Variants in OCA2 observed in about 807,000 individuals in gnomAD.
OCA2 encodes OCA2 melanosomal transmembrane protein.
A neutral mutation model predicts 100.2 loss-of-function variants in OCA2; 77 were observed. That is an observed-to-expected ratio of 0.77 (90% CI 0.64 to 0.93). The LOEUF (loss-of-function observed/expected upper bound fraction) is 0.93. OCA2 is among the 40% of genes least tolerant of loss of function. The pLI is 0.00. For synonymous variants in OCA2, 432 were observed against 439.2 expected (o/e 0.98, Z 0.21); for missense variants, 1,062 against 1,089.1 (o/e 0.98, Z 0.35).
At chr15:27,726,702 T>A in the OCA2 span, among the ~76,000 whole-genome samples, 1 of 152,224 alleles carries the variant, frequency 6.6e-6, no homozygotes, top group Non-Finnish European at 1.5e-5. Flanking sequence ...ACAGGGCATA[T>A]GTAACAAACC....
the OCA2 span, among the ~76,000 whole-genome samples, chr15:27,722,364 T>A: frequency 6.6e-6 from 1 of 152,208 alleles, no homozygotes; most frequent in Non-Finnish European, 1.5e-5. Context: ...CATGACTGAG[T>A]GGAGGTTACC....
chr15:28,090,409 T>C (rs1344946423), intron 1 of OCA2, among the ~76,000 whole-genome samples: 1 of 152,178 alleles, frequency 6.6e-6, no homozygotes, highest in Non-Finnish European at 1.5e-5. Context: ...TCTTACAAAG[T>C]GCCTACAGAA....
chr15:27,895,967 A>T, intron 19 of OCA2: 1 of 732,296 alleles, frequency 1.4e-6, no homozygotes, highest in Non-Finnish European at 2.4e-6. Flanking sequence ...ATATGGTTTG[A>T]AGGTTGGCCT....
intron 21 of OCA2, among the ~76,000 whole-genome samples, chr15:27,870,810 A>AAGAAAGAAAGAAAGAAAGAAAGAAAG (rs372518302): frequency 5.7e-5 from 5 of 88,138 alleles, no homozygotes; most frequent in African/African-American, 1.1e-4. Context: ...GAAAGAAAGA[A>AAGAAAGAAAGAAAGAAAGAAAGAAAG]AGAGAGAGAG....
chr15:27,986,451 G>A, intron 12 of OCA2, 136 bp downstream of exon 12: 1 of 688,034 alleles, frequency 1.5e-6, no homozygotes. Flanking sequence ...ACCCTGCCCT[G>A]CAGAAGCAAC....
chr15:27,725,591 CAAAA>C, the OCA2 span, among the ~76,000 whole-genome samples: 1 of 151,998 alleles, frequency 6.6e-6, no homozygotes, highest in Non-Finnish European at 1.5e-5. Flanking sequence ...ACAAAACAAA[CAAAA>C]AAACCTACGT....
chr15:27,942,518 G>A (rs961118157), intron 18 of OCA2, among the ~76,000 whole-genome samples: 6 of 152,068 alleles, frequency 3.9e-5, no homozygotes, highest in African/African-American at 1.4e-4. Context: ...GGGGGAAGCA[G>A]TGTGTGAGTG....
chr15:27,956,676 T>C (rs1163652394), intron 16 of OCA2, among the ~76,000 whole-genome samples: 1 of 152,196 alleles, frequency 6.6e-6, no homozygotes, highest in Non-Finnish European at 1.5e-5. Context: ...ACTCAGGGCC[T>C]CCCTGTGGCC....
chr15:27,819,924 T>C (rs1400940551), intron 23 of OCA2, among the ~76,000 whole-genome samples: 3 of 152,130 alleles, frequency 2.0e-5, no homozygotes, highest in Non-Finnish European at 2.9e-5. Flanking sequence ...GTATATAAGA[T>C]GAGCGTGGAA....
chr15:27,820,085 T>C (rs1244353960), intron 23 of OCA2, among the ~76,000 whole-genome samples: 2 of 151,258 alleles, frequency 1.3e-5, no homozygotes, highest in African/African-American at 4.9e-5. Flanking sequence ...AAAGCAATAT[T>C]GGATTATAAC....
At chr15:27,856,236 C>G (rs1329154801) in intron 21 of OCA2, among the ~76,000 whole-genome samples, 6 of 152,200 alleles carry the variant, frequency 3.9e-5, no homozygotes, top group Non-Finnish European at 7.3e-5. Context: ...TTGATTATCT[C>G]TGTAAAGGCC....
At chr15:27,992,823 AGTAAAGAGCAAAGAGCCGGCCT>A (rs2041599224) in intron 9 of OCA2, among the ~76,000 whole-genome samples, 2 of 152,154 alleles carry the variant, frequency 1.3e-5, no homozygotes, top group Non-Finnish European at 2.9e-5. Flanking sequence ...GGAGACTTCC[AGTAAAGAGCAAAGAGCCGGCCT>A]GGCACAGTGG....
At chr15:27,831,785 A>C (rs1378743099) in intron 23 of OCA2, among the ~76,000 whole-genome samples, 1 of 152,162 alleles carries the variant, frequency 6.6e-6, no homozygotes, top group Non-Finnish European at 1.5e-5. Flanking sequence ...GCCCAGCTAG[A>C]CACTGCCCAT....
At chr15:28,083,367 A>G (rs2044712596) in intron 1 of OCA2, among the ~76,000 whole-genome samples, 1 of 152,214 alleles carries the variant, frequency 6.6e-6, no homozygotes, top group South Asian at 2.1e-4. Flanking sequence ...TATCCTTCTC[A>G]CCATTGTTAT....
At chr15:27,814,675 C>T (rs1218807522) in intron 23 of OCA2, among the ~76,000 whole-genome samples, 2 of 152,098 alleles carry the variant, frequency 1.3e-5, no homozygotes, top group Non-Finnish European at 2.9e-5. Flanking sequence ...GTCAGGAGCT[C>T]GAGACCAGCC....
At chr15:27,898,044 C>T (rs1160300449) in intron 19 of OCA2, among the ~76,000 whole-genome samples, 1 of 152,132 alleles carries the variant, frequency 6.6e-6, no homozygotes, top group African/African-American at 2.4e-5. Flanking sequence ...GCTGTATTTA[C>T]CAAATGCTTG....
intron 3 of OCA2, among the ~76,000 whole-genome samples, chr15:28,030,279 G>A (rs1017553378): frequency 6.6e-6 from 1 of 152,116 alleles, no homozygotes; most frequent in African/African-American, 2.4e-5. Context: ...GAGGGGACAG[G>A]CTGGCCAACA....
At chr15:27,892,041 C>G (rs937959099) in intron 19 of OCA2, among the ~76,000 whole-genome samples, 1 of 151,946 alleles carries the variant, frequency 6.6e-6, no homozygotes, top group African/African-American at 2.4e-5. Context: ...TATGTATGCA[C>G]CAAACAACAG....
At position 28,049,015 on chromosome 15, in the gene OCA2, C is replaced by G. The variant is rs540006343; in HGVS notation, c.228-16852G>C. Among the ~76,000 whole-genome samples, 224 of 152,138 alleles carry G rather than the reference C, an allele frequency of 1.5e-3. 1 individual carries two copies. The highest frequency in any genetic ancestry group is 5.1e-3 in the African/African-American group (213 of 41,528). ...ACACCCTGTCTCAAAAACAAGAGAACAAAAGACATTCTCAAGAAAGTGAAA... is the reference window on the plus strand; with the variant it reads ...ACACCCTGTCTCAAAAACAAGAGAAGAAAAGACATTCTCAAGAAAGTGAAA... On this transcript the variant is annotated intron_variant, in intron 2 of 23. Coordinates refer to ENST00000354638, the MANE Select transcript of OCA2 (RefSeq NM_000275.3).
Sources: allele counts gnomAD v4.1 joint callset (sites outside exome capture counted in the v4.1 genomes callset), GRCh38; gene constraint gnomAD v4.1.1; transcripts MANE v1.5; gene names NCBI Gene and HGNC (gene_info 2026-07-23, HGNC 2026-07-21).